The following SDHAF4 variants were observed in gnomAD, a reference collection of about 807,000 sequenced individuals.
SDHAF4 encodes the protein succinate dehydrogenase complex assembly factor 4.
A neutral mutation model predicts 14.3 loss-of-function variants in SDHAF4; 14 were observed. That is an observed-to-expected ratio of 0.98 (90% CI 0.65 to 1.53). The LOEUF (loss-of-function observed/expected upper bound fraction) is 1.53. Ranked by LOEUF, SDHAF4 falls within the 40% of genes most tolerant of loss-of-function variation. SDHAF4 has a pLI of 0.00. For missense variants in SDHAF4, 141 were observed against 129.3 expected, an observed-to-expected ratio of 1.09 and a Z score of -0.44; for synonymous variants, 63 against 47.3, an observed-to-expected ratio of 1.33 and a Z score of -1.36.
chr6:70,587,964 C>T (rs1056080983), intron 2 of SDHAF4, among the ~76,000 whole-genome samples: 3 of 152,148 alleles, frequency 2.0e-5, no homozygotes, highest in Non-Finnish European at 4.4e-5. Flanking sequence ...CACGCTAAAC[C>T]CTTTACATGT....
At chr6:70,585,293 G>C (rs1054129316) in intron 2 of SDHAF4, among the ~76,000 whole-genome samples, 1 of 152,196 alleles carries the variant, frequency 6.6e-6, no homozygotes, top group African/African-American at 2.4e-5. Context: ...ACTGAACTGC[G>C]TACTTAAAAT....
At chr6:70,590,365 G>C (rs746626152), downstream of SDHAF4, among the ~76,000 whole-genome samples, 1 of 152,238 alleles carries the variant, frequency 6.6e-6, no homozygotes, top group Non-Finnish European at 1.5e-5. Flanking sequence ...ATAACCAAGA[G>C]GTGGAATATT....
At chr6:70,588,387 G>A (rs1007550555) in intron 2 of SDHAF4, among the ~76,000 whole-genome samples, 27 of 152,158 alleles carry the variant, frequency 1.8e-4, no homozygotes, top group Admixed American at 1.3e-4. Context: ...GGGCGTGGTG[G>A]CATGTGCGTG....
intron 1 of SDHAF4, among the ~76,000 whole-genome samples, chr6:70,573,726 A>T: frequency 7.2e-6 from 1 of 137,934 alleles, no homozygotes; most frequent in Non-Finnish European, 1.5e-5. Flanking sequence ...CCCTGGCTGG[A>T]GTGTAGTGGC....
intron 1 of SDHAF4, among the ~76,000 whole-genome samples, chr6:70,571,608 C>T (rs1200139945): frequency 2.0e-5 from 3 of 152,156 alleles, no homozygotes; most frequent in African/African-American, 7.2e-5. Flanking sequence ...CCACCGCGCC[C>T]AGCCTTCCCT....
intron 2 of SDHAF4, among the ~76,000 whole-genome samples, chr6:70,584,577 T>G (rs1765176053): frequency 1.3e-5 from 2 of 152,182 alleles, no homozygotes; most frequent in African/African-American, 2.4e-5. Flanking sequence ...AATGGGACAC[T>G]GAGAGCAGGA....
At chr6:70,598,094 C>T in the SDHAF4 span, among the ~76,000 whole-genome samples, 1 of 152,146 alleles carries the variant, frequency 6.6e-6, no homozygotes, top group African/African-American at 2.4e-5. Context: ...CTTTCATTTG[C>T]AGGCCGGATG....
In SDHAF4 at chr6:70,586,428, C is replaced by CTTTT. The variant is rs70990316; in HGVS notation, c.218-2167_218-2164dup. ...GTTATTCTTGTATGTATTTGTTTGC[C>CTTTT]TTTTTTTTTTTTTTTTTTTTTTTGG... On this transcript the variant is annotated intron_variant, in intron 2 of 2. Transcript: ENST00000370474. Among the ~76,000 whole-genome samples, 225 of 80,286 alleles carry CTTTT rather than the reference C, an allele frequency of 2.8e-3. 6 individuals are homozygous for CTTTT. The highest frequency in any genetic ancestry group is 4.3e-3 in the Non-Finnish European group (177 of 40,814). 52.7% of individuals were successfully genotyped at this position (80,286 alleles called of 152,430 possible).
At chr6:70,575,401 C>T in intron 1 of SDHAF4, among the ~76,000 whole-genome samples, 1 of 146,688 alleles carries the variant, frequency 6.8e-6, no homozygotes, top group East Asian at 2.0e-4. Flanking sequence ...CCCTCCTGGT[C>T]AACATGGTGA....
intron 2 of SDHAF4, among the ~76,000 whole-genome samples, chr6:70,586,686 G>T (rs1200853062): frequency 6.6e-6 from 1 of 151,960 alleles, no homozygotes; most frequent in Non-Finnish European, 1.5e-5. Context: ...AACAGCAATG[G>T]ATAAAACACA....
At chr6:70,581,210 G>T (rs932795944) in intron 2 of SDHAF4, among the ~76,000 whole-genome samples, 1 of 151,774 alleles carries the variant, frequency 6.6e-6, no homozygotes, top group Admixed American at 6.6e-5. Context: ...GATTACAGGC[G>T]TGAGCCACTG....
intron 2 of SDHAF4, among the ~76,000 whole-genome samples, chr6:70,581,086 C>T (rs1802315375): frequency 6.6e-6 from 1 of 152,036 alleles, no homozygotes; most frequent in Admixed American, 6.6e-5. Context: ...CACACCACCA[C>T]ACTGGCTCAT....
At chr6:70,592,147 A>G (rs79069023), downstream of SDHAF4, among the ~76,000 whole-genome samples, 257 of 152,336 alleles carry the variant, frequency 1.7e-3, no homozygotes, top group African/African-American at 5.9e-3. Context: ...TAAGAAATAA[A>G]CGTCTTTTCT....
chr6:70,570,595 C>T (rs1802167485), intron 1 of SDHAF4, among the ~76,000 whole-genome samples: 1 of 142,106 alleles, frequency 7.0e-6, no homozygotes, highest in Admixed American at 6.9e-5. Context: ...CCACCGTGCC[C>T]CCCACCACCC....
At chr6:70,588,212 G>A (rs914266568) in intron 2 of SDHAF4, among the ~76,000 whole-genome samples, 58 of 152,174 alleles carry the variant, frequency 3.8e-4, no homozygotes, top group African/African-American at 1.4e-3. Flanking sequence ...TAGCCTATCA[G>A]CAACGCTGTC....
downstream of SDHAF4, among the ~76,000 whole-genome samples, chr6:70,592,551 G>A (rs896849007): frequency 6.6e-6 from 1 of 152,160 alleles, no homozygotes; most frequent in African/African-American, 2.4e-5. Flanking sequence ...GCCCAAGGCT[G>A]GGTGTTTTAT....
the SDHAF4 span, among the ~76,000 whole-genome samples, chr6:70,597,721 G>A: frequency 4.6e-5 from 7 of 152,096 alleles, no homozygotes; most frequent in South Asian, 1.5e-3. Context: ...AGGCTCTGTG[G>A]GATATTTATT....
In SDHAF4 at chr6:70,588,829, TATA is replaced by T; in HGVS notation, c.*108_*110del. The T allele has an allele frequency of 2.4e-6, 1 of 420,486 alleles. No homozygotes were observed. The highest frequency in any genetic ancestry group is 4.2e-6 in the Non-Finnish European group (1 of 240,114). 26.0% of individuals were successfully genotyped at this position (420,486 alleles called of 1,614,324 possible). ...TATATCCTTTATGTCGTGTAGTTTGTATAATGTGTTTAAATATATATATATATG... is the reference window on the plus strand; with the variant it reads ...TATATCCTTTATGTCGTGTAGTTTGTATGTGTTTAAATATATATATATATG... On this transcript the variant is annotated 3_prime_UTR_variant, in exon 3 of 3. Coordinates refer to ENST00000370474, the MANE Select transcript of SDHAF4 (RefSeq NM_145267.3).
At chr6:70,578,070 T>C (rs1474553553) in intron 1 of SDHAF4, among the ~76,000 whole-genome samples, 3 of 152,090 alleles carry the variant, frequency 2.0e-5, no homozygotes, top group Admixed American at 1.3e-4. Context: ...AAATGAGTAG[T>C]TTTCTTTTGG....
Sources: gnomAD v4.1 joint callset for allele counts (sites outside exome capture counted in the v4.1 genomes callset) on GRCh38, gnomAD v4.1.1 for gene constraint, MANE v1.5 for transcripts, NCBI Gene and HGNC (gene_info 2026-07-23, HGNC 2026-07-21) for gene names.